Variants in ANKRD35 observed in about 807,000 individuals in gnomAD.
The protein encoded by ANKRD35 is ankyrin repeat domain 35, also known as ankyrin repeat domain-containing protein 35.
In ANKRD35, 102 loss-of-function variants were observed where a neutral mutation model predicts 109.9. The ratio of observed to expected loss-of-function variants is 0.93; its 90% confidence interval spans 0.79 to 1.09. ANKRD35 has a LOEUF of 1.09. Among genes scored for constraint, ANKRD35 ranks in the 50% least tolerant of loss-of-function variants. The pLI is 0.00. For missense variants in ANKRD35, 1,240 were observed against 1,230.1 expected, an observed-to-expected ratio of 1.01 and a Z score of -0.12; for synonymous variants, 515 against 512.4, an observed-to-expected ratio of 1.01 and a Z score of -0.07.
chr1:145,882,954 C>T lies in ANKRD35; in HGVS notation c.39+2766G>A, dbSNP rs377471686. On this transcript the variant is annotated intron_variant, in intron 1 of 13. Coordinates refer to ENST00000355594, the MANE Select transcript of ANKRD35 (RefSeq NM_144698.5). Reference sequence around the variant, plus strand: ...CTGTGTACCTATAAGCATCCTACAACATGGAAGCACACCAGCAAGTAGAGA... The same window carrying T: ...CTGTGTACCTATAAGCATCCTACAATATGGAAGCACACCAGCAAGTAGAGA... Among the ~76,000 whole-genome samples, 129 of 152,052 alleles carry T rather than the reference C, an allele frequency of 8.5e-4. 1 individual carries two copies. In the South Asian group the frequency reaches 0.027, roughly 32 times the overall value.
In ANKRD35 at chr1:145,867,275, C is replaced by G. The variant is rs201062799; in HGVS notation, c.*43+12G>C. 15 of 1,558,340 alleles carry G rather than the reference C, an allele frequency of 9.6e-6. No individual in the cohort carries two copies. The highest frequency in any genetic ancestry group is 1.1e-5 in the Non-Finnish European group (12 of 1,130,096). Reference sequence around the variant, plus strand: ...AAACTCCTTCCCTCATCACCCTTAACCCACAACTCACAACAGAGAATCTCG... The same window carrying G: ...AAACTCCTTCCCTCATCACCCTTAAGCCACAACTCACAACAGAGAATCTCG... On this transcript the variant is annotated intron_variant, in intron 13 of 13. Transcript: ENST00000355594.
intron 7 of ANKRD35, among the ~76,000 whole-genome samples, chr1:145,875,298 A>C (rs184243224): frequency 6.6e-6 from 1 of 151,844 alleles, no homozygotes; most frequent in Admixed American, 6.6e-5. Flanking sequence ...GGCATGCACC[A>C]CCACACCCGG....
At chr1:145,867,245 C>T (rs1191900375) in intron 13 of ANKRD35, 42 bp downstream of exon 13, 1 of 1,377,706 alleles carries the variant, frequency 7.3e-7, no homozygotes, top group Non-Finnish European at 1.0e-6. Flanking sequence ...CAAGCCCTTT[C>T]TCCCAAACTC....
In ANKRD35 at chr1:145,873,234, G is replaced by GC. The variant is rs782150401; in HGVS notation, c.1534dup (p.Ala512GlyfsTer17). 2.8e-5 allele frequency: 45 copies of GC among 1,614,082 alleles called. No homozygotes were observed. The highest frequency in any genetic ancestry group is 4.0e-5 in the African/African-American group (3 of 75,056). ...TCCCTCCATGACCGGTCTTGACAAA[G>GC]CCCCCCGGGCAGCATCCTTTTCTCG... On this transcript the variant is annotated frameshift_variant, in exon 10 of 14. Coordinates refer to ENST00000355594, the MANE Select transcript of ANKRD35 (RefSeq NM_144698.5). LOFTEE classifies it high-confidence loss of function.
chr1:145,879,531 G>T, intron 1 of ANKRD35, 143 bp from the exon 2 acceptor site: 1 of 1,002,346 alleles, frequency 1.0e-6, no homozygotes, highest in East Asian at 3.1e-5. Flanking sequence ...AGATCATTTA[G>T]TCCTTCTTAG....
At chr1:145,876,712 C>T (rs587667873) in intron 5 of ANKRD35, 73 bp from the exon 6 acceptor site, 190 of 1,609,342 alleles carry the variant, frequency 1.2e-4, no homozygotes, top group Non-Finnish European at 1.5e-4. Context: ...ACATCCCCTC[C>T]GACCATTTCA....
In ANKRD35 at chr1:145,873,513, C is replaced by G. The variant is rs782312525; in HGVS notation, c.1256G>C (p.Arg419Thr). 1 of 1,614,012 alleles carries G rather than the reference C, an allele frequency of 6.2e-7. No homozygotes were observed. The highest frequency in any genetic ancestry group is 1.7e-5 in the Admixed American group (1 of 60,016). The change falls in exon 10 of 14, where the codon AGG (arginine) becomes ACG (threonine). Residue 419 changes from arginine (R) to threonine (T), a missense_variant. Coordinates refer to ENST00000355594, the MANE Select transcript of ANKRD35 (RefSeq NM_144698.5). ...PGKIQYEVHG[R>T]SQPEEQGPPQ... ...TGGCCCCTGTTCTTCTGGTTGGGAC[C>G]TTCCATGGACTTCATACTGGATCTT...
At chr1:145,879,988 CATA>C (rs1293029609) in intron 1 of ANKRD35, among the ~76,000 whole-genome samples, 1 of 152,166 alleles carries the variant, frequency 6.6e-6, no homozygotes, top group Non-Finnish European at 1.5e-5. Context: ...TCTGTTTTCC[CATA>C]TCATATCTAG....
rs587672721 is a variant in ANKRD35, at chr1:145,867,196, G to C, written c.*43+91C>G. On this transcript the variant is annotated intron_variant, in intron 13 of 13. Coordinates refer to ENST00000355594, the MANE Select transcript of ANKRD35 (RefSeq NM_144698.5). Reference sequence around the variant, plus strand: ...AAGGCTCCCCATTGTCAGCCACCACGGGGGCAAAAGGGACTAATTTCATTC... The same window carrying C: ...AAGGCTCCCCATTGTCAGCCACCACCGGGGCAAAAGGGACTAATTTCATTC... 3.4e-5 allele frequency: 29 copies of C among 842,768 alleles called. No individual in the cohort carries two copies. The East Asian group carries it at 6.1e-4, about 18-fold the overall frequency. The allele number at this position is 842,768 out of a possible 1,614,324, so 52.2% of individuals were successfully genotyped here.
rs1273118740 is a variant in ANKRD35 at position 145,873,917 on chromosome 1, C to G, written c.852G>C (p.Glu284Asp). 15 of 1,614,108 alleles carry G rather than the reference C, an allele frequency of 9.3e-6. No individual in the cohort carries two copies. Among genetic ancestry groups the G allele is most frequent in the Non-Finnish European group, 1.1e-5 (13 of 1,180,052 alleles). ...KSSWRAEPEE[E>D]QEEKEDEDPC... ...GGTCTTCATCCTCCTTCTCCTCTTG[C>G]TCCTCTTCAGGCTCTGCTCTCCATG... Residue 284 changes from glutamate to aspartate, a missense_variant, in exon 10 of 14, where the codon GAG (glutamate) becomes GAC (aspartate). By Grantham distance (45) the Glu-to-Asp change is conservative. Coordinates refer to ENST00000355594, the MANE Select transcript of ANKRD35 (RefSeq NM_144698.5).
intron 10 of ANKRD35, among the ~76,000 whole-genome samples, chr1:145,870,570 G>A (rs1016150847): frequency 2.0e-5 from 3 of 152,064 alleles, no homozygotes; most frequent in South Asian, 2.1e-4. Context: ...GCTTTCACCC[G>A]ATTGTCTACT....
At chr1:145,871,960 C>T in intron 10 of ANKRD35, 22 bp downstream of exon 10, 2 of 1,606,066 alleles carry the variant, frequency 1.2e-6, no homozygotes, top group Non-Finnish European at 1.7e-6. Context: ...CAGTGCTCCC[C>T]AGGGCTACCT....
At position 145,885,820 on chromosome 1, in the gene ANKRD35, C is replaced by T; in HGVS notation, c.-62G>A. On this transcript the variant is annotated 5_prime_UTR_variant, in exon 1 of 14. Coordinates refer to ENST00000355594, the MANE Select transcript of ANKRD35 (RefSeq NM_144698.5). ...GAGAGCCGGGCCACAGGTTCCCGAA[C>T]CCACCGGACTTGGCTGCGGCTGTGC... 1 of 1,321,010 alleles carries T rather than the reference C, an allele frequency of 7.6e-7. No individual in the cohort carries two copies. The highest frequency in any genetic ancestry group is 1.1e-6 in the Non-Finnish European group (1 of 916,028). 81.8% of individuals were successfully genotyped at this position (1,321,010 alleles called of 1,614,324 possible). A position where few individuals can be genotyped will look rare whatever the true frequency, so the allele number is the denominator to read the frequency against.
At position 145,873,529 on chromosome 1, in the gene ANKRD35, A is replaced by G; in HGVS notation, c.1240T>C (p.Tyr414His). The G allele has an allele frequency of 1.2e-6, 2 of 1,613,872 alleles. No homozygotes were observed. Among genetic ancestry groups the G allele is most frequent in the South Asian group, 2.2e-5 (2 of 91,080 alleles). Residue 414 changes from tyrosine (Y) to histidine (H), a missense_variant, in exon 10 of 14, where the codon TAT becomes CAT. By Grantham distance (83) the Tyr-to-His change is moderately conservative. Coordinates refer to ENST00000355594, the MANE Select transcript of ANKRD35 (RefSeq NM_144698.5). ...GGTTGGGACCTTCCATGGACTTCAT[A>G]CTGGATCTTTCCTGGGGCTGAGTCC... ...AEDSAPGKIQ[Y>H]EVHGRSQPEE...
intron 1 of ANKRD35, 27 bp from the exon 2 acceptor site, chr1:145,879,415 A>G: frequency 1.3e-6 from 2 of 1,504,382 alleles, no homozygotes; most frequent in Admixed American, 2.1e-5. Flanking sequence ...GGTTGTGTGA[A>G]TATAGGGCAT....
intron 1 of ANKRD35, among the ~76,000 whole-genome samples, chr1:145,885,192 G>A (rs1654431772): frequency 6.6e-6 from 1 of 152,148 alleles, no homozygotes; most frequent in African/African-American, 2.4e-5. Flanking sequence ...AGGAGATTGT[G>A]AAAAAGGGTT....
At chr1:145,875,649 T>C (rs1006371803) in intron 7 of ANKRD35, among the ~76,000 whole-genome samples, 1 of 151,816 alleles carries the variant, frequency 6.6e-6, no homozygotes, top group Non-Finnish European at 1.5e-5. Context: ...CCCAGATTCA[T>C]GCCATTCTCC....
At chr1:145,875,921 G>A (rs905986498) in intron 7 of ANKRD35, among the ~76,000 whole-genome samples, 3 of 152,082 alleles carry the variant, frequency 2.0e-5, no homozygotes, top group African/African-American at 4.8e-5. Context: ...CAGAAGTGTC[G>A]ATTCTACTTC....
chr1:145,885,651 G>A (rs1344946240), intron 1 of ANKRD35, 69 bp downstream of exon 1: 6 of 1,525,488 alleles, frequency 3.9e-6, no homozygotes, highest in South Asian at 3.4e-5. Flanking sequence ...CATTGAGACG[G>A]GACTAAAGAC....
Sources: gnomAD v4.1 joint callset for allele counts (sites outside exome capture counted in the v4.1 genomes callset) on GRCh38, gnomAD v4.1.1 for gene constraint, MANE v1.5 for transcripts, NCBI Gene and HGNC (gene_info 2026-07-23, HGNC 2026-07-21) for gene names.